The following HORMAD2 variants were observed in gnomAD, a reference collection of about 807,000 sequenced individuals.
HORMAD2 encodes HORMA domain-containing protein 2.
Under a neutral mutation model 38.8 loss-of-function variants are expected in HORMAD2, and 45 were observed. The observed-to-expected ratio is 1.16, with a 90% CI of 0.91 to 1.49. The LOEUF (loss-of-function observed/expected upper bound fraction) is 1.49, where lower values mean the gene tolerates loss of function less well. Among genes scored for constraint, HORMAD2 ranks in the 40% most tolerant of loss-of-function variants. The probability of loss-of-function intolerance (pLI) is 0.00; values close to 1 mark genes in which losing one functional copy is unlikely to be tolerated. For missense variants in HORMAD2, 338 were observed against 367.0 expected (o/e 0.92, Z 0.65); for synonymous variants, 126 against 122.8 (o/e 1.03, Z -0.17).
chr22:30,194,935 G>A, the HORMAD2 span, among the ~76,000 whole-genome samples: 1 of 152,140 alleles, frequency 6.6e-6, no homozygotes, highest in Non-Finnish European at 1.5e-5. Context: ...GCTCACGCCT[G>A]TAATCCCAGC....
At chr22:30,137,431 G>T in intron 10 of HORMAD2, 1 of 392,512 alleles carries the variant, frequency 2.5e-6, no homozygotes. Flanking sequence ...AGGCTGCAGT[G>T]AGCTGTTGAT....
intron 10 of HORMAD2, chr22:30,137,419 C>G: frequency 2.4e-6 from 1 of 418,172 alleles, no homozygotes; most frequent in African/African-American, 2.1e-5. Flanking sequence ...CCCAGGAGGT[C>G]AAGGCTGCAG....
At position 30,123,066 on chromosome 22, in the gene HORMAD2, C is replaced by T. The variant is rs1461390907; in HGVS notation, c.819+852C>T. Among the ~76,000 whole-genome samples the T allele has an allele frequency of 3.9e-5, 6 of 152,140 alleles. No homozygotes were observed. In the East Asian group the frequency reaches 9.6e-4, roughly 24 times the overall value. ...ACTAGGTAACTTCTGAAGGTTCCTT[C>T]TAGTTCTTTAACTCTGTATTATGTT... On this transcript the variant is annotated intron_variant, in intron 10 of 10. Transcript: ENST00000336726.
At chr22:30,136,145 G>A (rs1699541835) in intron 10 of HORMAD2, among the ~76,000 whole-genome samples, 2 of 152,148 alleles carry the variant, frequency 1.3e-5, no homozygotes, top group Admixed American at 6.5e-5. Context: ...CTTAATTAGG[G>A]AATGGATAAA....
the HORMAD2 span, among the ~76,000 whole-genome samples, chr22:30,202,412 A>G: frequency 6.7e-6 from 1 of 150,256 alleles, no homozygotes; most frequent in Non-Finnish European, 1.5e-5. Flanking sequence ...TTTTTTTTTA[A>G]TTTATCAGCT....
intron 1 of HORMAD2, among the ~76,000 whole-genome samples, chr22:30,092,554 G>A (rs574514299): frequency 2.5e-4 from 38 of 152,098 alleles, no homozygotes; most frequent in African/African-American, 6.7e-4. Flanking sequence ...CTGTGCATTT[G>A]AAGTCTTACC....
chr22:30,133,667 G>T (rs1923440154), intron 10 of HORMAD2, among the ~76,000 whole-genome samples: 2 of 151,354 alleles, frequency 1.3e-5, no homozygotes, highest in Admixed American at 6.6e-5. Context: ...AGGATGATTG[G>T]GTCCGTACTG....
At chr22:30,157,176 C>A (rs368310059) in intron 10 of HORMAD2, among the ~76,000 whole-genome samples, 4 of 152,160 alleles carry the variant, frequency 2.6e-5, no homozygotes, top group Admixed American at 1.3e-4. Context: ...TGTGACTTCT[C>A]CAACCAGGTG....
intron 10 of HORMAD2, among the ~76,000 whole-genome samples, chr22:30,174,558 A>G (rs1045225974): frequency 1.3e-5 from 2 of 152,202 alleles, no homozygotes; most frequent in African/African-American, 4.8e-5. Context: ...CAGTTCTGCA[A>G]CTTGTAATTA....
chr22:30,183,748 A>G, the HORMAD2 span, among the ~76,000 whole-genome samples: 1 of 152,222 alleles, frequency 6.6e-6, no homozygotes, highest in South Asian at 2.1e-4. Context: ...GAAAGAGTTC[A>G]TTGCTATTCA....
intron 3 of HORMAD2, among the ~76,000 whole-genome samples, chr22:30,102,319 A>G (rs1920953729): frequency 6.6e-6 from 1 of 152,180 alleles, no homozygotes; most frequent in Non-Finnish European, 1.5e-5. Context: ...GCCAGTCACT[A>G]CCCTAGGCAA....
chr22:30,181,453 C>T (rs1926714128), downstream of HORMAD2, among the ~76,000 whole-genome samples: 1 of 152,144 alleles, frequency 6.6e-6, no homozygotes, highest in Non-Finnish European at 1.5e-5. Flanking sequence ...ATCGAAACTC[C>T]CTTTCCATCA....
chr22:30,206,457 C>T, the HORMAD2 span, among the ~76,000 whole-genome samples: 3 of 152,136 alleles, frequency 2.0e-5, no homozygotes, highest in African/African-American at 7.2e-5. Flanking sequence ...CGCGCCTGGC[C>T]TGTTTTATTT....
chr22:30,189,476 C>T, the HORMAD2 span, among the ~76,000 whole-genome samples: 18 of 151,090 alleles, frequency 1.2e-4, no homozygotes, highest in African/African-American at 4.1e-4. Context: ...GTTTCTGATG[C>T]GTATAATTGC....
chr22:30,164,920 C>A (rs1348183230), intron 10 of HORMAD2, among the ~76,000 whole-genome samples: 1 of 152,192 alleles, frequency 6.6e-6, no homozygotes, highest in Non-Finnish European at 1.5e-5. Flanking sequence ...TTGATAATAG[C>A]ATCCTTTGAT....
chr22:30,139,511 A>T (rs1642112585), intron 10 of HORMAD2, among the ~76,000 whole-genome samples: 1 of 151,172 alleles, frequency 6.6e-6, no homozygotes, highest in Admixed American at 6.6e-5. Context: ...ATTCCTGAGG[A>T]TTTTCTATAT....
chr22:30,106,379 CT>C (rs1315360130), intron 5 of HORMAD2, among the ~76,000 whole-genome samples: 2 of 152,022 alleles, frequency 1.3e-5, no homozygotes, highest in African/African-American at 4.8e-5. Flanking sequence ...TCAATCACCC[CT>C]ATAATGCTCA....
intron 3 of HORMAD2, among the ~76,000 whole-genome samples, chr22:30,101,836 G>T (rs926683168): frequency 2.0e-5 from 3 of 152,120 alleles, no homozygotes; most frequent in African/African-American, 7.2e-5. Flanking sequence ...GAAAGGCAAG[G>T]TGGGCAGACT....
At chr22:30,190,020 T>A in the HORMAD2 span, among the ~76,000 whole-genome samples, 1 of 152,184 alleles carries the variant, frequency 6.6e-6, no homozygotes, top group Non-Finnish European at 1.5e-5. Context: ...GCTAAGAGAC[T>A]ACTAGCTGGC....
Sources: allele counts gnomAD v4.1 joint callset (sites outside exome capture counted in the v4.1 genomes callset), GRCh38; gene constraint gnomAD v4.1.1; transcripts MANE v1.5; gene names NCBI Gene and HGNC (gene_info 2026-07-23, HGNC 2026-07-21).